Variants in GRID2 observed in about 807,000 individuals in gnomAD.
GRID2 encodes the protein glutamate ionotropic receptor delta type subunit 2.
Under a neutral mutation model 114.8 loss-of-function variants are expected in GRID2, and 33 were observed. That is an observed-to-expected ratio of 0.29 (90% confidence interval 0.22 to 0.38). The LOEUF (loss-of-function observed/expected upper bound fraction) is 0.38. Among genes scored for constraint, GRID2 ranks in the 10% least tolerant of loss-of-function variants. The pLI, the probability that GRID2 is intolerant of heterozygous loss-of-function variation, is 1.00. For synonymous variants in GRID2, 505 were observed against 449.9 expected (o/e 1.12, Z -1.55); for missense variants, 1,184 against 1,257.7 (o/e 0.94, Z 0.89).
At chr4:93,615,029 C>G (rs373818251) in intron 13 of GRID2, among the ~76,000 whole-genome samples, 18 of 152,232 alleles carry the variant, frequency 1.2e-4, no homozygotes, top group African/African-American at 4.3e-4. Flanking sequence ...CTTTGGTGTG[C>G]AATGCTGCTC....
chr4:93,406,854 C>T (rs1417884928), intron 9 of GRID2, among the ~76,000 whole-genome samples: 10 of 152,060 alleles, frequency 6.6e-5, no homozygotes, highest in Non-Finnish European at 1.2e-4. Flanking sequence ...GCTCCAAGAG[C>T]ATGTTGATGT....
intron 2 of GRID2, among the ~76,000 whole-genome samples, chr4:92,773,913 A>G (rs190192676): frequency 5.9e-5 from 9 of 152,288 alleles, no homozygotes; most frequent in Admixed American, 5.9e-4. Flanking sequence ...AAAAATATAT[A>G]TATTTAAAAG....
chr4:93,120,482 A>G (rs540559840), intron 4 of GRID2, among the ~76,000 whole-genome samples: 14 of 152,186 alleles, frequency 9.2e-5, no homozygotes, highest in African/African-American at 3.1e-4. Context: ...ATTCTCAGCA[A>G]ACTAACACAG....
chr4:93,778,235 A>G (rs962267739), downstream of GRID2, among the ~76,000 whole-genome samples: 5 of 152,200 alleles, frequency 3.3e-5, no homozygotes, highest in African/African-American at 1.2e-4. Flanking sequence ...TTAATATTTA[A>G]TTCCTTTCCA....
At chr4:92,446,992 C>A (rs560598246) in intron 1 of GRID2, among the ~76,000 whole-genome samples, 1 of 152,166 alleles carries the variant, frequency 6.6e-6, no homozygotes, top group South Asian at 2.1e-4. Flanking sequence ...AGCTAGTCAG[C>A]AAGGGTTCAG....
At chr4:92,388,486 C>T (rs192022256) in intron 1 of GRID2, among the ~76,000 whole-genome samples, 1 of 151,978 alleles carries the variant, frequency 6.6e-6, no homozygotes, top group Admixed American at 6.6e-5. Context: ...AATTCCTCAC[C>T]CCGAGGAAGG....
At chr4:92,377,684 C>A (rs1579264111) in intron 1 of GRID2, among the ~76,000 whole-genome samples, 1 of 152,076 alleles carries the variant, frequency 6.6e-6, no homozygotes. Flanking sequence ...GTTGGGGAGG[C>A]CTCACAATTA....
intron 14 of GRID2, among the ~76,000 whole-genome samples, chr4:93,662,431 T>G (rs1330453154): frequency 6.6e-6 from 1 of 152,232 alleles, no homozygotes; most frequent in African/African-American, 2.4e-5. Flanking sequence ...GCCCAGTACC[T>G]AAAACAGTGC....
intron 3 of GRID2, among the ~76,000 whole-genome samples, chr4:93,102,698 G>A (rs1731816476): frequency 6.6e-6 from 1 of 151,592 alleles, no homozygotes; most frequent in Non-Finnish European, 1.5e-5. Flanking sequence ...GTGGCATCTT[G>A]TTGTTTGAAT....
At chr4:92,471,836 G>A (rs1722050892) in intron 1 of GRID2, among the ~76,000 whole-genome samples, 1 of 151,644 alleles carries the variant, frequency 6.6e-6, no homozygotes, top group African/African-American at 2.4e-5. Flanking sequence ...TTTTATACAG[G>A]CTTATATAAA....
At chr4:92,938,839 T>A (rs573020923) in intron 2 of GRID2, among the ~76,000 whole-genome samples, 2 of 145,892 alleles carry the variant, frequency 1.4e-5, no homozygotes, top group East Asian at 4.4e-4. Flanking sequence ...CTTGCGATAG[T>A]TTGCTAAGAA....
chr4:92,950,968 T>C (rs770172679), intron 2 of GRID2, among the ~76,000 whole-genome samples: 10 of 152,206 alleles, frequency 6.6e-5, no homozygotes, highest in Non-Finnish European at 1.3e-4. Flanking sequence ...TTGGTTCTTA[T>C]TTACTTTCAG....
chr4:92,958,354 A>AGAGATTTTATG (rs1752567239), intron 2 of GRID2, among the ~76,000 whole-genome samples: 1 of 152,022 alleles, frequency 6.6e-6, no homozygotes, highest in African/African-American at 2.4e-5. Flanking sequence ...TGAATGACTG[A>AGAGATTTTATG]GAGATTTTAT....
chr4:93,253,177 A>G (rs898428459), intron 8 of GRID2, among the ~76,000 whole-genome samples: 1 of 150,496 alleles, frequency 6.6e-6, no homozygotes, highest in African/African-American at 2.4e-5. Context: ...AATGGCGTGA[A>G]CCCGGGAGGT....
chr4:93,007,257 T>C (rs1721636797), intron 2 of GRID2, among the ~76,000 whole-genome samples: 1 of 151,868 alleles, frequency 6.6e-6, no homozygotes, highest in African/African-American at 2.4e-5. Context: ...TTTTTAGAAA[T>C]AAGGATCTTC....
chr4:92,562,531 A>G (rs1388877105), intron 1 of GRID2, among the ~76,000 whole-genome samples: 1 of 152,192 alleles, frequency 6.6e-6, no homozygotes, highest in Admixed American at 6.6e-5. Context: ...TTATATTCCA[A>G]GTAGTACTAA....
At chr4:92,772,239 G>T (rs1264355897) in intron 2 of GRID2, among the ~76,000 whole-genome samples, 2 of 152,050 alleles carry the variant, frequency 1.3e-5, no homozygotes, top group Non-Finnish European at 2.9e-5. Flanking sequence ...ATGCTGAAAG[G>T]CACACAGAAG....
chr4:92,558,439 A>T (rs1453864073), intron 1 of GRID2, among the ~76,000 whole-genome samples: 1 of 152,164 alleles, frequency 6.6e-6, no homozygotes, highest in Non-Finnish European at 1.5e-5. Context: ...CTTTCATAGA[A>T]AAAGAAGCAC....
chr4:92,969,599 T>G (rs79719391), intron 2 of GRID2, among the ~76,000 whole-genome samples: 1,940 of 151,896 alleles, frequency 0.013, 33 homozygotes, highest in African/African-American at 0.044. Context: ...ACTCAGTAAT[T>G]TAATCTTCCT....
Sources: gnomAD v4.1 joint callset for allele counts (sites outside exome capture counted in the v4.1 genomes callset) on GRCh38, gnomAD v4.1.1 for gene constraint, MANE v1.5 for transcripts, NCBI Gene and HGNC (gene_info 2026-07-23, HGNC 2026-07-21) for gene names.